Variants in ZC3H12B observed in about 807,000 individuals in gnomAD.
ZC3H12B encodes the protein zinc finger CCCH-type containing 12B, also known as probable ribonuclease ZC3H12B.
In ZC3H12B, 7 loss-of-function variants were observed where a neutral mutation model predicts 43.9. The ratio of observed to expected loss-of-function variants is 0.16; its 90% confidence interval spans 0.09 to 0.30. The LOEUF is 0.30. Ranked by LOEUF, ZC3H12B falls within the 10% of genes least tolerant of loss-of-function variation. The probability of loss-of-function intolerance (pLI) is 1.00; values close to 1 mark genes in which losing one functional copy is unlikely to be tolerated. For synonymous variants in ZC3H12B, 222 were observed against 241.7 expected, an observed-to-expected ratio of 0.92 and a Z score of 0.76; for missense variants, 475 against 670.2, an observed-to-expected ratio of 0.71 and a Z score of 3.22.
chrX:65,145,889 C>T, the ZC3H12B span, among the ~76,000 whole-genome samples: 3 of 111,078 alleles, frequency 2.7e-5, no homozygotes, highest in East Asian at 5.7e-4. Flanking sequence ...TAGGTTACCT[C>T]GTGCTTTTGT....
intron 3 of ZC3H12B, among the ~76,000 whole-genome samples, chrX:65,432,259 C>T (rs2067171188): frequency 9.0e-6 from 1 of 111,510 alleles, no homozygotes; most frequent in African/African-American, 3.3e-5. Context: ...TGATAGGCAG[C>T]CCAGGTCGCA....
chrX:65,408,163 C>T, intron 3 of ZC3H12B: 29 of 1,201,726 alleles, frequency 2.4e-5, no homozygotes, highest in Non-Finnish European at 3.1e-5. Flanking sequence ...AGTCCCTGGA[C>T]CGGATTAAAG....
the ZC3H12B span, among the ~76,000 whole-genome samples, chrX:65,354,506 A>G: frequency 9.5e-3 from 1,070 of 112,105 alleles, 20 homozygotes; most frequent in African/African-American, 0.033. Context: ...AATGAGGAAA[A>G]ACCAGCGCAA....
At chrX:65,059,411 T>C in the ZC3H12B span, among the ~76,000 whole-genome samples, 1 of 111,265 alleles carries the variant, frequency 9.0e-6, no homozygotes, top group Admixed American at 9.6e-5. Context: ...ATGGGAAGAG[T>C]AGAGGTCTAG....
chrX:65,425,655 G>T (rs189630140), intron 3 of ZC3H12B, among the ~76,000 whole-genome samples: 65 of 111,356 alleles, frequency 5.8e-4, no homozygotes, highest in African/African-American at 2.1e-3. Context: ...AGTTTATTGA[G>T]AGTTTTTAAC....
chrX:65,293,893 A>C, the ZC3H12B span, among the ~76,000 whole-genome samples: 1 of 111,862 alleles, frequency 8.9e-6, no homozygotes, highest in Non-Finnish European at 1.9e-5. Context: ...TGGTGTTCCC[A>C]AGGGAAAAAA....
At chrX:65,323,001 C>A in the ZC3H12B span, among the ~76,000 whole-genome samples, 1 of 111,212 alleles carries the variant, frequency 9.0e-6, no homozygotes. Context: ...TTATAAAGTT[C>A]ATTTTTGGTA....
chrX:65,324,996 G>A, the ZC3H12B span, among the ~76,000 whole-genome samples: 72 of 110,719 alleles, frequency 6.5e-4, no homozygotes, highest in African/African-American at 2.1e-3. Flanking sequence ...TTGCAATTTT[G>A]TATATATTCT....
the ZC3H12B span, among the ~76,000 whole-genome samples, chrX:65,341,239 G>A: frequency 8.0e-5 from 9 of 112,140 alleles, no homozygotes; most frequent in South Asian, 3.4e-3. Flanking sequence ...ACTCATTGGT[G>A]TCTCTGAATG....
At chrX:65,266,518 A>T in the ZC3H12B span, among the ~76,000 whole-genome samples, 4 of 112,090 alleles carry the variant, frequency 3.6e-5, no homozygotes, top group Non-Finnish European at 7.5e-5. Flanking sequence ...AAAATTAGGG[A>T]ATTTAGGAAA....
intron 3 of ZC3H12B, among the ~76,000 whole-genome samples, chrX:65,402,369 C>A (rs2066773791): frequency 8.9e-6 from 1 of 111,836 alleles, no homozygotes; most frequent in Admixed American, 9.4e-5. Flanking sequence ...ACCTAGGGAC[C>A]CACCTGGGAC....
chrX:65,474,827 G>A (rs755028252), intron 3 of ZC3H12B, among the ~76,000 whole-genome samples: 3 of 111,889 alleles, frequency 2.7e-5, no homozygotes, highest in Non-Finnish European at 3.8e-5. Flanking sequence ...GTCTGGTCTC[G>A]AACTTCTGAC....
chrX:65,239,221 G>T, the ZC3H12B span, among the ~76,000 whole-genome samples: 3 of 110,953 alleles, frequency 2.7e-5, no homozygotes, highest in Non-Finnish European at 5.7e-5. Context: ...CTCTTTGTAG[G>T]TCTCTAAAAA....
At chrX:65,367,127 C>G (rs907397185) in intron 1 of ZC3H12B, among the ~76,000 whole-genome samples, 4 of 111,881 alleles carry the variant, frequency 3.6e-5, no homozygotes, top group Non-Finnish European at 5.6e-5. Flanking sequence ...ACTGTGGAGG[C>G]AACTTGTGAC....
At chrX:65,412,073 T>C (rs919116987) in intron 3 of ZC3H12B, among the ~76,000 whole-genome samples, 8 of 111,290 alleles carry the variant, frequency 7.2e-5, no homozygotes, top group African/African-American at 2.6e-4. Context: ...TGTGCAACCA[T>C]TTCTATTCCC....
At chrX:65,116,286 A>G in the ZC3H12B span, among the ~76,000 whole-genome samples, 1 of 111,495 alleles carries the variant, frequency 9.0e-6, no homozygotes, top group Non-Finnish European at 1.9e-5. Context: ...TTATCCCAGC[A>G]CCATTTGTTG....
At chrX:65,472,382 G>A (rs972590113) in intron 3 of ZC3H12B, among the ~76,000 whole-genome samples, 2 of 86,273 alleles carry the variant, frequency 2.3e-5, no homozygotes, top group African/African-American at 2.3e-4. Context: ...TACAGAAGTT[G>A]TTTTTTTTGT....
chrX:65,113,985 GTATATATATATATATATATATATATA>G, the ZC3H12B span, among the ~76,000 whole-genome samples: 87 of 47,482 alleles, frequency 1.8e-3, no homozygotes, highest in African/African-American at 3.6e-3. Context: ...AGATATGCTT[GTATATATATATATATATATATATATA>G]TATATATATA....
the ZC3H12B span, among the ~76,000 whole-genome samples, chrX:65,311,547 G>C: frequency 1.3e-3 from 147 of 112,027 alleles, no homozygotes; most frequent in African/African-American, 4.8e-3. Flanking sequence ...CTGTTGGTGG[G>C]ACTGTAAACT....
Sources: allele counts gnomAD v4.1 joint callset (sites outside exome capture counted in the v4.1 genomes callset), GRCh38; gene constraint gnomAD v4.1.1; transcripts MANE v1.5; gene names NCBI Gene and HGNC (gene_info 2026-07-23, HGNC 2026-07-21).